CACNB4: variants seen among roughly 807,000 people sequenced by gnomAD.
CACNB4 encodes the protein calcium voltage-gated channel auxiliary subunit beta 4, also known as voltage-dependent L-type calcium channel subunit beta-4.
In CACNB4, 32 loss-of-function variants were observed where a neutral mutation model predicts 71.2. The observed-to-expected ratio is 0.45, with a 90% confidence interval of 0.34 to 0.60. CACNB4 has a LOEUF of 0.60. CACNB4 is among the 20% of genes least tolerant of loss of function. The probability of loss-of-function intolerance (pLI) is 0.01; values close to 1 mark genes in which losing one functional copy is unlikely to be tolerated. For synonymous variants in CACNB4, 231 were observed against 236.9 expected (o/e 0.97, Z 0.23); for missense variants, 464 against 647.9 (o/e 0.72, Z 3.08).
chr2:152,052,669 T>C (rs1319026739), intron 2 of CACNB4, among the ~76,000 whole-genome samples: 3 of 152,186 alleles, frequency 2.0e-5, no homozygotes, highest in Admixed American at 2.0e-4. Context: ...TGCCAAATAA[T>C]ATTCTATTGT....
chr2:151,846,473 A>G (rs1029987755), intron 12 of CACNB4, among the ~76,000 whole-genome samples: 1 of 152,180 alleles, frequency 6.6e-6, no homozygotes, highest in African/African-American at 2.4e-5. Flanking sequence ...GCTATTGAAT[A>G]TTTTTAATAA....
At chr2:151,952,179 A>T (rs772347078) in intron 2 of CACNB4, among the ~76,000 whole-genome samples, 6 of 152,204 alleles carry the variant, frequency 3.9e-5, no homozygotes, top group Non-Finnish European at 7.3e-5. Context: ...TAATCAGAGT[A>T]AACAACGATC....
intron 2 of CACNB4, among the ~76,000 whole-genome samples, chr2:152,073,284 G>C (rs1038570527): frequency 5.3e-5 from 8 of 152,170 alleles, no homozygotes; most frequent in Admixed American, 2.0e-4. Context: ...AAGGGAGCCA[G>C]TCGAGAAGGA....
chr2:151,853,779 A>G (rs763303871), intron 11 of CACNB4: 27 of 361,280 alleles, frequency 7.5e-5, no homozygotes, highest in Non-Finnish European at 1.3e-4. Context: ...GAGGAGCCTG[A>G]GTTCCCATCC....
chr2:152,026,831 G>C (rs1431877669), intron 2 of CACNB4, among the ~76,000 whole-genome samples: 1 of 151,984 alleles, frequency 6.6e-6, no homozygotes, highest in Non-Finnish European at 1.5e-5. Flanking sequence ...GTCACCAATG[G>C]TATCCATATT....
intron 2 of CACNB4, among the ~76,000 whole-genome samples, chr2:151,924,213 G>A (rs2099859673): frequency 6.6e-6 from 1 of 150,600 alleles, no homozygotes; most frequent in African/African-American, 2.4e-5. Flanking sequence ...CGAGTAGCTG[G>A]GACTACAGGC....
At chr2:151,921,959 A>G (rs1411288037) in intron 2 of CACNB4, among the ~76,000 whole-genome samples, 2 of 152,156 alleles carry the variant, frequency 1.3e-5, no homozygotes, top group South Asian at 2.1e-4. Flanking sequence ...ACTGTGAGTC[A>G]AACCTCTTTT....
At chr2:151,970,216 T>C (rs2099872158) in intron 2 of CACNB4, 1 of 152,178 alleles carries the variant, frequency 6.6e-6, no homozygotes, top group African/African-American at 2.4e-5. Context: ...TGCTCAACAT[T>C]TTCTCAAGTA....
intron 2 of CACNB4, among the ~76,000 whole-genome samples, chr2:152,027,249 C>A (rs1479794294): frequency 2.0e-5 from 3 of 152,168 alleles, no homozygotes; most frequent in South Asian, 4.1e-4. Context: ...CTTTCAGGCA[C>A]CTCCTCCCAT....
intron 5 of CACNB4, 123 bp downstream of exon 5, chr2:151,876,303 T>C: frequency 7.0e-6 from 5 of 715,962 alleles, no homozygotes; most frequent in Non-Finnish European, 1.1e-5. Flanking sequence ...GAAACTCTTC[T>C]GTGTCAGTTT....
At chr2:152,021,330 A>T (rs1489158990) in intron 2 of CACNB4, among the ~76,000 whole-genome samples, 1 of 152,192 alleles carries the variant, frequency 6.6e-6, no homozygotes, top group African/African-American at 2.4e-5. Flanking sequence ...GCAAGCAGAA[A>T]AACACATAAT....
At chr2:152,031,276 C>G (rs16830626) in intron 2 of CACNB4, among the ~76,000 whole-genome samples, 2,683 of 152,234 alleles carry the variant, frequency 0.018, 84 homozygotes, top group African/African-American at 0.06. Context: ...TAAATCTGAA[C>G]AAGTAACAGG....
intron 2 of CACNB4, among the ~76,000 whole-genome samples, chr2:151,928,865 T>G (rs1193231262): frequency 6.6e-6 from 1 of 151,740 alleles, no homozygotes; most frequent in Non-Finnish European, 1.5e-5. Context: ...TGAGCTGAGA[T>G]TGTGCTACTG....
chr2:151,868,094 CTTTTA>C (rs548033599), intron 9 of CACNB4: 15 of 152,130 alleles, frequency 9.9e-5, no homozygotes, highest in African/African-American at 1.7e-4. Context: ...ATCCAGAAAG[CTTTTA>C]TTTTAACAAA....
At chr2:151,916,056 C>T (rs2099857440) in intron 2 of CACNB4, among the ~76,000 whole-genome samples, 1 of 152,158 alleles carries the variant, frequency 6.6e-6, no homozygotes. Context: ...TCTTCCTTCT[C>T]TCCGTGGGTC....
intron 6 of CACNB4, 40 bp downstream of exon 6, chr2:151,872,377 G>A (rs749837902): frequency 2.6e-6 from 3 of 1,144,850 alleles, no homozygotes; most frequent in Non-Finnish European, 3.9e-6. Context: ...TTTTTAAAAG[G>A]AATACAGTGT....
intron 2 of CACNB4, among the ~76,000 whole-genome samples, chr2:151,977,186 CT>C (rs2099873967): frequency 6.6e-6 from 1 of 152,198 alleles, no homozygotes; most frequent in Admixed American, 6.5e-5. Flanking sequence ...GCCTCTGATT[CT>C]GAGAATGCCC....
chr2:151,884,397 G>A (rs2099848787), intron 2 of CACNB4, among the ~76,000 whole-genome samples: 1 of 150,612 alleles, frequency 6.6e-6, no homozygotes, highest in Non-Finnish European at 1.5e-5. Flanking sequence ...GCCGAGGTGG[G>A]AGGATCACGA....
chr2:151,874,627 T>C (rs2099845486), intron 5 of CACNB4, among the ~76,000 whole-genome samples: 1 of 152,216 alleles, frequency 6.6e-6, no homozygotes, highest in South Asian at 2.1e-4. Context: ...GTGCGGTTCT[T>C]ATTATGACAA....
Sources: gnomAD v4.1 joint callset for allele counts (sites outside exome capture counted in the v4.1 genomes callset) on GRCh38, gnomAD v4.1.1 for gene constraint, MANE v1.5 for transcripts, NCBI Gene and HGNC (gene_info 2026-07-23, HGNC 2026-07-21) for gene names.